The following C1QTNF3 variants were observed in gnomAD, a reference collection of about 807,000 sequenced individuals.
The protein encoded by C1QTNF3 is C1q and TNF related 3, also known as complement C1q tumor necrosis factor-related protein 3.
Under a neutral mutation model 32.6 loss-of-function variants are expected in C1QTNF3, and 26 were observed. The ratio of observed to expected loss-of-function variants is 0.80; its 90% confidence interval spans 0.58 to 1.11. C1QTNF3 has a LOEUF of 1.11. Among genes scored for constraint, C1QTNF3 ranks in the 50% least tolerant of loss-of-function variants. The pLI is 0.00. For missense variants in C1QTNF3, 362 were observed against 398.2 expected (o/e 0.91, Z 0.77); for synonymous variants, 155 against 146.0 (o/e 1.06, Z -0.44).
the C1QTNF3 span, among the ~76,000 whole-genome samples, chr5:34,209,251 C>G: frequency 6.6e-6 from 1 of 151,700 alleles, no homozygotes; most frequent in African/African-American, 2.4e-5. Context: ...TTACATTGGA[C>G]TAAAGAATGA....
At chr5:34,068,619 G>T in the C1QTNF3 span, among the ~76,000 whole-genome samples, 1 of 151,918 alleles carries the variant, frequency 6.6e-6, no homozygotes, top group African/African-American at 2.4e-5. Context: ...TTAAACAAAT[G>T]CAAATTTCCA....
the C1QTNF3 span, among the ~76,000 whole-genome samples, chr5:34,178,176 G>C: frequency 1.3e-5 from 2 of 151,274 alleles, no homozygotes; most frequent in African/African-American, 2.4e-5. Context: ...AGCTACTTGG[G>C]AGGCTGATGC....
chr5:34,020,630 G>T lies in C1QTNF3; in HGVS notation c.913C>A (p.Gln305Lys), dbSNP rs768048025. 1.9e-6 allele frequency: 3 copies of T among 1,614,068 alleles called. No homozygotes were observed. Among genetic ancestry groups the T allele is most frequent in the African/African-American group, 2.7e-5 (2 of 74,904 alleles). The change falls in exon 6 of 6, where the codon CAA becomes AAA. Residue 305 changes from glutamine to lysine, a missense_variant. Coordinates refer to ENST00000382065, the MANE Select transcript of C1QTNF3 (RefSeq NM_181435.6). ...AATCCTGCAAAGGTGGAGAAGCGTT[G>T]GTGGTCCCCATGGAGAGCGCCATTG... ...MGNGALHGDH[Q>K]RFSTFAGFLL... is the part of the protein sequence containing the mutation.
At chr5:34,157,296 A>G in the C1QTNF3 span, among the ~76,000 whole-genome samples, 1 of 152,200 alleles carries the variant, frequency 6.6e-6, no homozygotes, top group Non-Finnish European at 1.5e-5. Context: ...GTTATATACC[A>G]AACTTTCCTA....
the C1QTNF3 span, among the ~76,000 whole-genome samples, chr5:34,169,367 G>A: frequency 6.6e-6 from 1 of 151,900 alleles, no homozygotes; most frequent in East Asian, 1.9e-4. Context: ...AATTAAAGAT[G>A]TTGAGCATAT....
rs184451151 is a variant in C1QTNF3 at position 34,019,063 on chromosome 5, G to A, written c.*1520C>T. On this transcript the variant is annotated 3_prime_UTR_variant, in exon 6 of 6. Transcript: ENST00000382065. The stretch of plus-strand genomic sequence containing the variant: ...GAGTCACTTGAACCCAGGAGGCGGA[G>A]GCTGCGGTGAGCTGAGATCATGCCA... Among the ~76,000 whole-genome samples, 1 of 152,228 alleles carries A rather than the reference G, an allele frequency of 6.6e-6. No individual in the cohort carries two copies. Among genetic ancestry groups the A allele is most frequent in the African/African-American group, 2.4e-5 (1 of 41,532 alleles).
chr5:34,119,185 A>G, the C1QTNF3 span, among the ~76,000 whole-genome samples: 5 of 152,236 alleles, frequency 3.3e-5, no homozygotes, highest in Non-Finnish European at 7.3e-5. Flanking sequence ...AAAAACAACA[A>G]TTCAAGCTCT....
the C1QTNF3 span, among the ~76,000 whole-genome samples, chr5:34,213,552 C>T: frequency 6.6e-6 from 1 of 150,666 alleles, no homozygotes; most frequent in African/African-American, 2.4e-5. Flanking sequence ...AGTGGATCAG[C>T]AGATAATTAC....
At chr5:34,175,890 T>C in the C1QTNF3 span, 2 of 810,538 alleles carry the variant, frequency 2.5e-6, no homozygotes, top group Non-Finnish European at 4.4e-6. Flanking sequence ...GCGTTTTTGA[T>C]TGAGACCCAG....
the C1QTNF3 span, among the ~76,000 whole-genome samples, chr5:34,131,555 CAT>C: frequency 2.0e-5 from 3 of 151,882 alleles, no homozygotes; most frequent in South Asian, 2.1e-4. Context: ...TGTTCTCACT[CAT>C]ATGTGGAAAC....
At chr5:34,225,870 T>C in the C1QTNF3 span, among the ~76,000 whole-genome samples, 2 of 152,002 alleles carry the variant, frequency 1.3e-5, no homozygotes, top group Non-Finnish European at 2.9e-5. Flanking sequence ...ATGTAATACA[T>C]GCATTGTTGA....
chr5:34,226,474 C>G, the C1QTNF3 span, among the ~76,000 whole-genome samples: 1 of 151,754 alleles, frequency 6.6e-6, no homozygotes, highest in Non-Finnish European at 1.5e-5. Context: ...GATTTTAATT[C>G]CTTCATCAAA....
At chr5:34,094,058 A>G in the C1QTNF3 span, among the ~76,000 whole-genome samples, 1 of 152,180 alleles carries the variant, frequency 6.6e-6, no homozygotes, top group Admixed American at 6.6e-5. Context: ...ACCCTTGTAG[A>G]AGACTGTGGT....
At chr5:34,206,823 A>C in the C1QTNF3 span, among the ~76,000 whole-genome samples, 1 of 151,832 alleles carries the variant, frequency 6.6e-6, no homozygotes, top group Admixed American at 6.6e-5. Flanking sequence ...ATACAGTAAG[A>C]TACAGTACTT....
chr5:34,033,946 G>A (rs549584591), intron 2 of C1QTNF3, among the ~76,000 whole-genome samples: 1 of 152,330 alleles, frequency 6.6e-6, no homozygotes, highest in African/African-American at 2.4e-5. Flanking sequence ...AGGATCACTT[G>A]AGCCCTAGAG....
the C1QTNF3 span, among the ~76,000 whole-genome samples, chr5:34,138,821 C>A: frequency 6.6e-6 from 1 of 152,106 alleles, no homozygotes; most frequent in African/African-American, 2.4e-5. Flanking sequence ...ATAAAGTCTT[C>A]TGCTAGTTAC....
At chr5:34,068,257 C>T in the C1QTNF3 span, among the ~76,000 whole-genome samples, 3 of 152,206 alleles carry the variant, frequency 2.0e-5, no homozygotes, top group Admixed American at 6.5e-5. Context: ...GCTTTATTCA[C>T]GGCTCTTTTC....
At chr5:34,102,932 G>A in the C1QTNF3 span, among the ~76,000 whole-genome samples, 1 of 151,240 alleles carries the variant, frequency 6.6e-6, no homozygotes, top group East Asian at 1.9e-4. Flanking sequence ...GTATACATAT[G>A]TAACAAACCT....
At chr5:34,209,360 T>A in the C1QTNF3 span, among the ~76,000 whole-genome samples, 1 of 151,500 alleles carries the variant, frequency 6.6e-6, no homozygotes, top group Non-Finnish European at 1.5e-5. Flanking sequence ...TCTGTATACC[T>A]ATTTACCTAT....
Sources: gnomAD v4.1 joint callset for allele counts (sites outside exome capture counted in the v4.1 genomes callset) on GRCh38, gnomAD v4.1.1 for gene constraint, MANE v1.5 for transcripts, NCBI Gene and HGNC (gene_info 2026-07-23, HGNC 2026-07-21) for gene names.